The following CCR5AS variants were observed in gnomAD, a reference collection of about 807,000 sequenced individuals.
The protein encoded by CCR5AS is CCR5 antisense RNA.
At chr3:46,373,331 C>A in intron 2 of CCR5AS, 18 of 1,614,154 alleles carry the variant, frequency 1.1e-5, no homozygotes, top group Non-Finnish European at 1.5e-5. Flanking sequence ...GGACGGTCAC[C>A]TTTGGGGTGG....
intron 2 of CCR5AS, among the ~76,000 whole-genome samples, chr3:46,389,628 CG>C (rs1559573913): frequency 6.6e-6 from 1 of 152,028 alleles, no homozygotes; most frequent in East Asian, 1.9e-4. Flanking sequence ...TGGGACGAGT[CG>C]GGGAGTGCTA....
At chr3:46,403,478 G>A (rs138005429) in intron 1 of CCR5AS, among the ~76,000 whole-genome samples, 1 of 152,200 alleles carries the variant, frequency 6.6e-6, no homozygotes, top group Admixed American at 6.5e-5. Flanking sequence ...ACTAAAGGGG[G>A]TAAGGAGAAT....
At position 46,380,195 on chromosome 3, in the gene CCR5AS, C is replaced by T. The variant is rs1251839088; in HGVS notation, n.392-8778G>A. On this transcript the variant is annotated intron_variant and non_coding_transcript_variant, in intron 2 of 3. Coordinates refer to ENST00000451485, the Ensembl canonical transcript of CCR5AS. ...GCAACCCCCTGAAGGGTGAGAGTTC[C>T]ATGGAGATCATGCTTTGGTCTGTAA... Among the ~76,000 whole-genome samples, 9 of 152,048 alleles carry T rather than the reference C, an allele frequency of 5.9e-5. No homozygotes were observed. In the South Asian group the frequency reaches 1.5e-3, roughly 25 times the overall value.
chr3:46,397,780 G>A (rs1000898014), intron 1 of CCR5AS, among the ~76,000 whole-genome samples: 3 of 152,222 alleles, frequency 2.0e-5, no homozygotes, highest in African/African-American at 4.8e-5. Flanking sequence ...GGATATGGAA[G>A]GGCAAAAGGA....
intron 2 of CCR5AS, among the ~76,000 whole-genome samples, chr3:46,380,730 C>T (rs2106760511): frequency 6.6e-6 from 1 of 152,362 alleles, no homozygotes; most frequent in Admixed American, 6.5e-5. Context: ...TTCACAAAAG[C>T]CAACATATTG....
At chr3:46,382,745 G>C (rs1480654076) in intron 2 of CCR5AS, among the ~76,000 whole-genome samples, 1 of 152,194 alleles carries the variant, frequency 6.6e-6, no homozygotes, top group Non-Finnish European at 1.5e-5. Context: ...TAATTTAAAT[G>C]TGGCCAATGG....
At chr3:46,383,354 G>A (rs1030741742) in intron 2 of CCR5AS, among the ~76,000 whole-genome samples, 2 of 152,188 alleles carry the variant, frequency 1.3e-5, no homozygotes, top group Non-Finnish European at 2.9e-5. Context: ...GAGGGCAGCA[G>A]GCCAATTCCC....
At chr3:46,388,658 G>A (rs1327336861) in intron 2 of CCR5AS, among the ~76,000 whole-genome samples, 1 of 152,196 alleles carries the variant, frequency 6.6e-6, no homozygotes, top group Non-Finnish European at 1.5e-5. Flanking sequence ...TCAGCAGTGA[G>A]TAAGTCAAGG....
downstream of CCR5AS, among the ~76,000 whole-genome samples, chr3:46,364,276 A>G (rs1175772388): frequency 1.3e-5 from 2 of 152,220 alleles, no homozygotes; most frequent in African/African-American, 2.4e-5. Flanking sequence ...GATGACTTTA[A>G]GTTGAAGTAA....
intron 2 of CCR5AS, among the ~76,000 whole-genome samples, chr3:46,381,975 G>A (rs1701821400): frequency 6.6e-6 from 1 of 152,072 alleles, no homozygotes; most frequent in Non-Finnish European, 1.5e-5. Context: ...GTGAGGGTCA[G>A]AGAGTCCTCG....
At chr3:46,381,542 T>G (rs1701816919) in intron 2 of CCR5AS, among the ~76,000 whole-genome samples, 1 of 152,216 alleles carries the variant, frequency 6.6e-6, no homozygotes, top group Non-Finnish European at 1.5e-5. Flanking sequence ...TCAAGACAAT[T>G]CCTCCTTTTG....
At chr3:46,368,664 TGCCCCAGGTCTA>T (rs893843700) in intron 3 of CCR5AS, among the ~76,000 whole-genome samples, 1 of 152,194 alleles carries the variant, frequency 6.6e-6, no homozygotes, top group Non-Finnish European at 1.5e-5. Flanking sequence ...GGGTGGAAGC[TGCCCCAGGTCTA>T]GCACGTCATT....
chr3:46,373,944 A>C (rs985644813), intron 2 of CCR5AS: 1 of 1,568,912 alleles, frequency 6.4e-7, no homozygotes, highest in African/African-American at 1.4e-5. Flanking sequence ...GGAGCAGGAA[A>C]TATCTGTGGG....
intron 1 of CCR5AS, among the ~76,000 whole-genome samples, chr3:46,402,859 A>G (rs1269225247): frequency 6.6e-6 from 1 of 152,196 alleles, no homozygotes; most frequent in Non-Finnish European, 1.5e-5. Flanking sequence ...CCAGTACTCA[A>G]TAGGTATCTT....
At chr3:46,379,812 G>A (rs760634642) in intron 2 of CCR5AS, among the ~76,000 whole-genome samples, 43 of 152,050 alleles carry the variant, frequency 2.8e-4, no homozygotes, top group South Asian at 6.2e-4. Flanking sequence ...CAGGAGAATC[G>A]CTTGAACCTG....
At chr3:46,383,526 C>G (rs540803914) in intron 2 of CCR5AS, among the ~76,000 whole-genome samples, 119 of 152,292 alleles carry the variant, frequency 7.8e-4, no homozygotes, top group Non-Finnish European at 1.2e-3. Flanking sequence ...TTTCATACCA[C>G]GCGCCTCAGT....
chr3:46,369,039 A>C (rs2106737685), intron 3 of CCR5AS, among the ~76,000 whole-genome samples: 1 of 152,334 alleles, frequency 6.6e-6, no homozygotes, highest in East Asian at 1.9e-4. Context: ...ATAAAATTTT[A>C]TATTAATTTA....
intron 2 of CCR5AS, among the ~76,000 whole-genome samples, chr3:46,385,440 T>A (rs1016472940): frequency 3.3e-5 from 5 of 152,186 alleles, no homozygotes; most frequent in African/African-American, 7.2e-5. Flanking sequence ...TAAAAGCAAC[T>A]GGATCCAATA....
intron 1 of CCR5AS, among the ~76,000 whole-genome samples, chr3:46,405,974 C>T (rs1468758420): frequency 6.6e-6 from 1 of 151,884 alleles, no homozygotes; most frequent in East Asian, 1.9e-4. Context: ...CTCCTGGGCT[C>T]ACGTGAACAT....
Sources: allele counts gnomAD v4.1 joint callset (sites outside exome capture counted in the v4.1 genomes callset), GRCh38; gene constraint gnomAD v4.1.1; transcripts MANE v1.5; gene names NCBI Gene and HGNC (gene_info 2026-07-23, HGNC 2026-07-21).